The following CD160 variants were observed in gnomAD, a reference collection of about 807,000 sequenced individuals.
CD160 encodes CD160 antigen.
In CD160, 11 loss-of-function variants were observed where a neutral mutation model predicts 19.2. The ratio of observed to expected loss-of-function variants is 0.57; its 90% CI spans 0.36 to 0.95. The LOEUF is 0.95. Among genes scored for constraint, CD160 ranks in the 40% least tolerant of loss-of-function variants. CD160 has a pLI of 0.01. For missense variants in CD160, 182 were observed against 213.2 expected (o/e 0.85, Z 0.91); for synonymous variants, 75 against 81.1 (o/e 0.93, Z 0.40).
chr1:145,732,978 A>T (rs2101400803), intron 4 of CD160, among the ~76,000 whole-genome samples: 1 of 152,332 alleles, frequency 6.6e-6, no homozygotes, highest in Non-Finnish European at 1.5e-5. Flanking sequence ...ATATGAGCAT[A>T]TTATTTAGGA....
At chr1:145,737,132 A>T (rs1657528379) in intron 5 of CD160, 1 of 152,068 alleles carries the variant, frequency 6.6e-6, no homozygotes, top group African/African-American at 2.4e-5. Flanking sequence ...ATGGTGGCAC[A>T]CAACTGTAGT....
At chr1:145,733,320 G>C (rs1156510734) in intron 4 of CD160, among the ~76,000 whole-genome samples, 1 of 152,042 alleles carries the variant, frequency 6.6e-6, no homozygotes, top group African/African-American at 2.4e-5. Flanking sequence ...TGTATTTTTA[G>C]TTGAGACGGG....
At chr1:145,728,842 C>G (rs1440307831) in intron 3 of CD160, among the ~76,000 whole-genome samples, 2 of 152,026 alleles carry the variant, frequency 1.3e-5, no homozygotes, top group Non-Finnish European at 2.9e-5. Flanking sequence ...ATACTATTGC[C>G]TCTCTATCAG....
intron 1 of CD160, among the ~76,000 whole-genome samples, chr1:145,722,438 T>C (rs72704261): frequency 0.011 from 1,695 of 152,296 alleles, 19 homozygotes; most frequent in South Asian, 0.041. Flanking sequence ...CCGCCTCTGC[T>C]GTGTTAGTGA....
chr1:145,725,439 T>C (rs1448100647), intron 2 of CD160, among the ~76,000 whole-genome samples: 2 of 152,152 alleles, frequency 1.3e-5, no homozygotes, highest in Non-Finnish European at 2.9e-5. Context: ...AGTGAGACTC[T>C]GTCTCAAAAG....
intron 1 of CD160, among the ~76,000 whole-genome samples, chr1:145,722,341 G>T (rs959826838): frequency 7.9e-5 from 12 of 152,084 alleles, no homozygotes; most frequent in Non-Finnish European, 1.6e-4. Flanking sequence ...TAAGAAACTT[G>T]CCCAATATTA....
At chr1:145,727,817 G>A (rs773207409) in intron 2 of CD160, among the ~76,000 whole-genome samples, 1 of 152,130 alleles carries the variant, frequency 6.6e-6, no homozygotes, top group Non-Finnish European at 1.5e-5. Context: ...GCAACATAAA[G>A]CAGGTCTAAT....
At chr1:145,723,036 T>G (rs1330316855) in intron 1 of CD160, among the ~76,000 whole-genome samples, 5 of 152,190 alleles carry the variant, frequency 3.3e-5, no homozygotes, top group Non-Finnish European at 7.3e-5. Flanking sequence ...TGTCATTTTA[T>G]TCATTTATCC....
chr1:145,738,107 G>C (rs1299695249), intron 5 of CD160: 1 of 159,788 alleles, frequency 6.3e-6, no homozygotes, highest in Non-Finnish European at 1.4e-5. Flanking sequence ...GGACCTCTGT[G>C]CCTCTCTCAG....
intron 4 of CD160, among the ~76,000 whole-genome samples, chr1:145,732,058 T>C (rs1044888376): frequency 6.6e-6 from 1 of 152,202 alleles, no homozygotes; most frequent in Non-Finnish European, 1.5e-5. Context: ...ATCCTAAATA[T>C]GGCCACTCCA....
intron 5 of CD160, 28 bp downstream of exon 5, chr1:145,736,162 C>G (rs781813416): frequency 6.2e-7 from 1 of 1,613,692 alleles, no homozygotes; most frequent in South Asian, 1.1e-5. Flanking sequence ...GTAAGCACCC[C>G]AAGCAATGAG....
intron 4 of CD160, among the ~76,000 whole-genome samples, chr1:145,734,017 T>TA (rs1395214047): frequency 6.6e-6 from 1 of 152,182 alleles, no homozygotes; most frequent in Non-Finnish European, 1.5e-5. Flanking sequence ...TGAGACCCTA[T>TA]TTCTGTTCAT....
At chr1:145,737,494 GA>G (rs1158312657) in intron 5 of CD160, 26 of 152,012 alleles carry the variant, frequency 1.7e-4, no homozygotes, top group African/African-American at 6.0e-4. Flanking sequence ...ATTTCAAAAA[GA>G]AAACAGAGAC....
At chr1:145,736,461 CT>C in intron 5 of CD160, 1 of 425,272 alleles carries the variant, frequency 2.4e-6, no homozygotes, top group South Asian at 2.3e-5. Context: ...AGATTTTCAG[CT>C]ATTAGAGGAA....
At chr1:145,731,685 CA>C in intron 4 of CD160, among the ~76,000 whole-genome samples, 2 of 152,128 alleles carry the variant, frequency 1.3e-5, no homozygotes. Flanking sequence ...AAATAAAAAA[CA>C]AGAAAAGAAA....
At chr1:145,735,496 G>A (rs920541224) in intron 4 of CD160, among the ~76,000 whole-genome samples, 5 of 152,118 alleles carry the variant, frequency 3.3e-5, no homozygotes, top group Non-Finnish European at 5.9e-5. Context: ...TGAGGTGGGA[G>A]GATCGATTGG....
At chr1:145,720,213 G>A (rs1656774728) in intron 1 of CD160, among the ~76,000 whole-genome samples, 1 of 152,216 alleles carries the variant, frequency 6.6e-6, no homozygotes, top group Admixed American at 6.5e-5. Flanking sequence ...TTAGGCTGAT[G>A]TCAAATCTAA....
intron 4 of CD160, among the ~76,000 whole-genome samples, chr1:145,734,078 G>A (rs1657395510): frequency 6.6e-6 from 1 of 152,166 alleles, no homozygotes; most frequent in South Asian, 2.1e-4. Flanking sequence ...AATTCAGAGA[G>A]TTACTAAGTA....
At chr1:145,736,972 A>C (rs1657520206) in intron 5 of CD160, 1 of 152,306 alleles carries the variant, frequency 6.6e-6, no homozygotes, top group Admixed American at 6.5e-5. Flanking sequence ...GACACAAGGA[A>C]GTTAAATAGG....
Sources: gnomAD v4.1 joint callset for allele counts (sites outside exome capture counted in the v4.1 genomes callset) on GRCh38, gnomAD v4.1.1 for gene constraint, MANE v1.5 for transcripts, NCBI Gene and HGNC (gene_info 2026-07-23, HGNC 2026-07-21) for gene names.